The following CNTN4 variants were observed in gnomAD, a reference collection of about 807,000 sequenced individuals.
CNTN4 encodes contactin 4.
Under a neutral mutation model 122.5 loss-of-function variants are expected in CNTN4, and 77 were observed. The observed-to-expected ratio is 0.63, with a 90% CI of 0.52 to 0.76. The LOEUF (loss-of-function observed/expected upper bound fraction) is 0.76, where lower values mean the gene tolerates loss of function less well. Among genes scored for constraint, CNTN4 ranks in the 30% least tolerant of loss-of-function variants. CNTN4 has a pLI of 0.00. For synonymous variants in CNTN4, 512 were observed against 447.0 expected, an observed-to-expected ratio of 1.15 and a Z score of -1.83; for missense variants, 1,256 against 1,259.1, an observed-to-expected ratio of 1.00 and a Z score of 0.04.
chr3:2,700,763 T>C (rs1488619873), intron 4 of CNTN4, among the ~76,000 whole-genome samples: 1 of 152,192 alleles, frequency 6.6e-6, no homozygotes, highest in East Asian at 1.9e-4. Flanking sequence ...AAACCTTCCC[T>C]CAAATTGGCC....
intron 2 of CNTN4, among the ~76,000 whole-genome samples, chr3:2,263,598 T>G (rs2040923778): frequency 6.6e-6 from 1 of 152,154 alleles, no homozygotes; most frequent in Non-Finnish European, 1.5e-5. Context: ...GGATACCTAT[T>G]ACCTCAAACA....
chr3:2,600,614 G>A (rs991028871), intron 4 of CNTN4, among the ~76,000 whole-genome samples: 2 of 152,092 alleles, frequency 1.3e-5, no homozygotes, highest in African/African-American at 4.8e-5. Context: ...TGGACATTTG[G>A]GTTGATTCCA....
At chr3:2,130,664 G>A (rs1467676190) in intron 2 of CNTN4, among the ~76,000 whole-genome samples, 1 of 152,128 alleles carries the variant, frequency 6.6e-6, no homozygotes, top group Non-Finnish European at 1.5e-5. Context: ...TAATTTCTGT[G>A]TTTTAATACA....
In CNTN4 at chr3:2,392,436, A is replaced by G. The variant is rs370037405; in HGVS notation, c.-89+53203A>G. Among the ~76,000 whole-genome samples, 17 of 152,320 alleles carry G rather than the reference A, an allele frequency of 1.1e-4. 1 individual carries two copies. The highest frequency in any genetic ancestry group is 3.8e-4 in the African/African-American group (16 of 41,580). The stretch of plus-strand genomic sequence containing the variant: ...TTCCTACTCATTATGCCTTGTTACC[A>G]GATGAAAAATATGCACACAGTCTTC... On this transcript the variant is annotated intron_variant, in intron 3 of 24. Transcript: ENST00000418658.
At chr3:2,466,357 GTGTT>G (rs1269232965) in intron 3 of CNTN4, among the ~76,000 whole-genome samples, 3 of 152,164 alleles carry the variant, frequency 2.0e-5, no homozygotes, top group African/African-American at 7.2e-5. Context: ...CAAAACGTAA[GTGTT>G]TGTCGCTGCT....
At chr3:2,909,865 G>T (rs187083883) in intron 12 of CNTN4, among the ~76,000 whole-genome samples, 1 of 152,296 alleles carries the variant, frequency 6.6e-6, no homozygotes, top group East Asian at 1.9e-4. Flanking sequence ...TGATGCTGAT[G>T]CTGCTTATCC....
chr3:2,892,561 A>G (rs2094055553), intron 10 of CNTN4, among the ~76,000 whole-genome samples: 1 of 152,216 alleles, frequency 6.6e-6, no homozygotes, highest in Non-Finnish European at 1.5e-5. Flanking sequence ...TCACTTGGTA[A>G]TTATTCATCT....
intron 7 of CNTN4, among the ~76,000 whole-genome samples, chr3:2,837,724 C>A (rs754715423): frequency 2.6e-5 from 4 of 152,112 alleles, no homozygotes; most frequent in Non-Finnish European, 4.4e-5. Flanking sequence ...ATACTTATCT[C>A]AACTGGGGAA....
chr3:2,765,527 T>C (rs373634566), intron 6 of CNTN4, among the ~76,000 whole-genome samples: 1 of 152,208 alleles, frequency 6.6e-6, no homozygotes, highest in Admixed American at 6.5e-5. Context: ...AGACAGCTAA[T>C]CAAATACTGC....
intron 2 of CNTN4, among the ~76,000 whole-genome samples, chr3:2,127,388 C>A (rs1009398162): frequency 3.3e-5 from 5 of 151,998 alleles, no homozygotes; most frequent in Non-Finnish European, 7.4e-5. Context: ...AATATTTGAT[C>A]AAATTAAGTG....
chr3:2,359,335 T>G (rs2045016252), intron 3 of CNTN4, among the ~76,000 whole-genome samples: 1 of 152,166 alleles, frequency 6.6e-6, no homozygotes, highest in African/African-American at 2.4e-5. Context: ...ATTATATATA[T>G]AGTGTATAAT....
chr3:2,619,455 C>G (rs74546198), intron 4 of CNTN4, among the ~76,000 whole-genome samples: 14,281 of 152,252 alleles, frequency 0.094, 889 homozygotes, highest in Non-Finnish European at 0.13. Flanking sequence ...CATTATCCAT[C>G]TATGGGGAAA....
At chr3:2,811,652 G>T (rs1404043354) in intron 6 of CNTN4, among the ~76,000 whole-genome samples, 1 of 149,764 alleles carries the variant, frequency 6.7e-6, no homozygotes, top group Non-Finnish European at 1.5e-5. Context: ...ACAAACTGGG[G>T]TAATTAATGT....
intron 3 of CNTN4, among the ~76,000 whole-genome samples, chr3:2,354,571 A>C (rs1398915490): frequency 6.6e-6 from 1 of 152,184 alleles, no homozygotes; most frequent in Non-Finnish European, 1.5e-5. Context: ...AAGTGAAAGG[A>C]GTTACATAAG....
At chr3:2,481,554 C>A (rs2076007282) in intron 3 of CNTN4, among the ~76,000 whole-genome samples, 1 of 152,074 alleles carries the variant, frequency 6.6e-6, no homozygotes, top group Non-Finnish European at 1.5e-5. Context: ...AAAAAATTAA[C>A]CCAAAATGGA....
intron 4 of CNTN4, among the ~76,000 whole-genome samples, chr3:2,598,159 G>T (rs2080860748): frequency 6.6e-6 from 1 of 152,118 alleles, no homozygotes; most frequent in Admixed American, 6.6e-5. Context: ...TTCCTTTAGT[G>T]ACCTCCAGTA....
At chr3:2,980,643 T>C (rs1693870390) in intron 13 of CNTN4, among the ~76,000 whole-genome samples, 1 of 151,960 alleles carries the variant, frequency 6.6e-6, no homozygotes, top group Non-Finnish European at 1.5e-5. Flanking sequence ...GCCAAGAAAA[T>C]TAAGGACACG....
rs1281649326 is a variant in CNTN4 at position 2,786,049 on chromosome 3, G to A, written c.359-33437G>A. ...CTACAATCGGAGAGGATTTGGGCTG[G>A]GGATGGTTAGAGAGGAGTTTGTCAG... On this transcript the variant is annotated intron_variant, in intron 6 of 24. Coordinates refer to ENST00000418658, the MANE Select transcript of CNTN4 (RefSeq NM_175607.3). Among the ~76,000 whole-genome samples, 11 of 152,072 alleles carry A rather than the reference G, an allele frequency of 7.2e-5. No individual in the cohort carries two copies. In the South Asian group the frequency reaches 2.1e-3, roughly 29 times the overall value.
intron 6 of CNTN4, among the ~76,000 whole-genome samples, chr3:2,812,400 G>A (rs1167549042): frequency 2.5e-5 from 3 of 120,686 alleles, no homozygotes; most frequent in African/African-American, 1.1e-4. Context: ...TGAATCCAGG[G>A]TATAGTGCGT....
Sources: allele counts gnomAD v4.1 joint callset (sites outside exome capture counted in the v4.1 genomes callset), GRCh38; gene constraint gnomAD v4.1.1; transcripts MANE v1.5; gene names NCBI Gene and HGNC (gene_info 2026-07-23, HGNC 2026-07-21).